The following CSMD3 variants were observed in gnomAD, a reference collection of about 807,000 sequenced individuals.
The protein encoded by CSMD3 is CUB and Sushi multiple domains 3.
CSMD3 carries 177 observed loss-of-function variants against 435.2 expected under a neutral mutation model. That is an observed-to-expected ratio of 0.41 (90% CI 0.36 to 0.46). The LOEUF is 0.46. Among genes scored for constraint, CSMD3 ranks in the 20% least tolerant of loss-of-function variants. CSMD3 has a pLI of 0.34. For synonymous variants in CSMD3, 1,656 were observed against 1,520.5 expected (o/e 1.09, Z -2.07); for missense variants, 4,265 against 4,504.6 (o/e 0.95, Z 1.52).
chr8:113,389,383 T>C (rs1161809227), intron 1 of CSMD3, among the ~76,000 whole-genome samples: 1 of 151,648 alleles, frequency 6.6e-6, no homozygotes, highest in Non-Finnish European at 1.5e-5. Context: ...CAGTTTGCTC[T>C]CTTTATTCCC....
intron 44 of CSMD3, 28 bp from the exon 45 acceptor site, chr8:112,335,502 A>T (rs1159744710): frequency 1.2e-6 from 2 of 1,608,194 alleles, no homozygotes; most frequent in East Asian, 4.5e-5. Context: ...GGAAAGGAGG[A>T]GAGATCAAGA....
intron 50 of CSMD3, among the ~76,000 whole-genome samples, chr8:112,307,579 G>T (rs973300647): frequency 3.9e-5 from 6 of 151,994 alleles, no homozygotes; most frequent in African/African-American, 1.4e-4. Flanking sequence ...CACTGCATCT[G>T]GCCCTATGTG....
chr8:113,011,784 C>T (rs1489988325), intron 6 of CSMD3, among the ~76,000 whole-genome samples: 2 of 151,582 alleles, frequency 1.3e-5, no homozygotes, highest in Admixed American at 1.3e-4. Context: ...AGAATAAATG[C>T]TATCAGAAAA....
intron 66 of CSMD3, among the ~76,000 whole-genome samples, chr8:112,241,070 T>A (rs1402332536): frequency 6.6e-6 from 1 of 152,082 alleles, no homozygotes; most frequent in East Asian, 1.9e-4. Context: ...AATTCATATA[T>A]TGAGCCCTTA....
At chr8:112,968,233 A>G (rs943222736) in intron 7 of CSMD3, among the ~76,000 whole-genome samples, 7 of 151,966 alleles carry the variant, frequency 4.6e-5, no homozygotes, top group African/African-American at 1.7e-4. Context: ...AAATAAGTAC[A>G]TGTCAGCTCA....
chr8:112,339,256 G>GCCAA (rs1824867250), intron 42 of CSMD3, among the ~76,000 whole-genome samples: 3 of 151,692 alleles, frequency 2.0e-5, no homozygotes, highest in Non-Finnish European at 2.9e-5. Flanking sequence ...AAAGCAATTG[G>GCCAA]TTGCTTTTTG....
intron 34 of CSMD3, 83 bp downstream of exon 34, chr8:112,408,235 A>T (rs1832031744): frequency 2.1e-6 from 2 of 932,230 alleles, no homozygotes; most frequent in South Asian, 2.6e-5. Flanking sequence ...TATCTAGAGG[A>T]TTTCATCATT....
chr8:113,070,838 G>C (rs927985026), intron 5 of CSMD3, among the ~76,000 whole-genome samples: 2 of 152,020 alleles, frequency 1.3e-5, no homozygotes, highest in Non-Finnish European at 2.9e-5. Context: ...TATACACTCA[G>C]ATGTGAGATT....
At chr8:113,165,561 A>G (rs2092133412) in intron 4 of CSMD3, among the ~76,000 whole-genome samples, 1 of 152,168 alleles carries the variant, frequency 6.6e-6, no homozygotes, top group African/African-American at 2.4e-5. Flanking sequence ...TTTTTCTTTG[A>G]TTTAAAAAAT....
intron 10 of CSMD3, among the ~76,000 whole-genome samples, chr8:112,916,578 T>C (rs1382825782): frequency 5.3e-5 from 8 of 151,958 alleles, no homozygotes; most frequent in Non-Finnish European, 1.2e-4. Flanking sequence ...TTATTATGCA[T>C]CATTTCATCT....
chr8:112,600,937 G>C (rs1441166072), intron 22 of CSMD3, among the ~76,000 whole-genome samples: 1 of 151,992 alleles, frequency 6.6e-6, no homozygotes, highest in Non-Finnish European at 1.5e-5. Flanking sequence ...CCAAAGTGCT[G>C]AGATTACAGG....
chr8:112,991,841 T>C (rs1046868224), intron 6 of CSMD3, among the ~76,000 whole-genome samples: 2 of 151,930 alleles, frequency 1.3e-5, no homozygotes, highest in Non-Finnish European at 2.9e-5. Context: ...ACTACATAGG[T>C]ACTTTCGTTT....
chr8:112,635,599 T>A (rs962247254), intron 22 of CSMD3, among the ~76,000 whole-genome samples: 1 of 152,056 alleles, frequency 6.6e-6, no homozygotes, highest in Admixed American at 6.6e-5. Context: ...CAAGCCTCTA[T>A]GGTTGCTTGT....
intron 1 of CSMD3, among the ~76,000 whole-genome samples, chr8:113,434,381 G>A (rs1030219755): frequency 6.6e-6 from 1 of 152,160 alleles, no homozygotes; most frequent in Non-Finnish European, 1.5e-5. Context: ...AATGTTTAAG[G>A]CATTGCATCA....
chr8:112,456,654 T>C (rs1267819927), intron 32 of CSMD3, among the ~76,000 whole-genome samples: 2 of 152,094 alleles, frequency 1.3e-5, no homozygotes, highest in Non-Finnish European at 2.9e-5. Flanking sequence ...AAAAATGTTA[T>C]GGTTTAGGGT....
intron 37 of CSMD3, among the ~76,000 whole-genome samples, chr8:112,382,307 A>AG (rs1829538920): frequency 1.3e-5 from 2 of 150,982 alleles, no homozygotes; most frequent in Admixed American, 1.3e-4. Context: ...AAAAAAAAAA[A>AG]TTAATAATAC....
chr8:113,206,170 C>A (rs531778178), intron 3 of CSMD3, among the ~76,000 whole-genome samples: 2 of 152,088 alleles, frequency 1.3e-5, no homozygotes, highest in South Asian at 4.2e-4. Flanking sequence ...CCCCCAAGAA[C>A]GAGACTACAA....
chr8:112,537,480 T>A (rs1205928267), intron 27 of CSMD3, among the ~76,000 whole-genome samples: 2 of 151,838 alleles, frequency 1.3e-5, no homozygotes, highest in African/African-American at 4.8e-5. Flanking sequence ...AAATTAACAA[T>A]TTTTTCTTAG....
intron 10 of CSMD3, among the ~76,000 whole-genome samples, chr8:112,903,479 G>C (rs1361653197): frequency 6.6e-6 from 1 of 151,178 alleles, no homozygotes; most frequent in Non-Finnish European, 1.5e-5. Context: ...TAATTTCATG[G>C]TGGCGAAGGG....
Sources: gnomAD v4.1 joint callset for allele counts (sites outside exome capture counted in the v4.1 genomes callset) on GRCh38, gnomAD v4.1.1 for gene constraint, MANE v1.5 for transcripts, NCBI Gene and HGNC (gene_info 2026-07-23, HGNC 2026-07-21) for gene names.